Variants in CDK5RAP2 observed in about 807,000 individuals in gnomAD.
The protein encoded by CDK5RAP2 is CDK5 regulatory subunit associated protein 2.
CDK5RAP2 carries 147 observed loss-of-function variants against 232.9 expected under a neutral mutation model. The ratio of observed to expected loss-of-function variants is 0.63; its 90% CI spans 0.55 to 0.72. The LOEUF is 0.72. CDK5RAP2 is among the 30% of genes least tolerant of loss of function. CDK5RAP2 has a pLI of 0.00. For synonymous variants in CDK5RAP2, 833 were observed against 833.7 expected (o/e 1.00, Z 0.01); for missense variants, 2,195 against 2,231.5 (o/e 0.98, Z 0.33).
At chr9:120,509,174 A>G (rs2039964361) in intron 12 of CDK5RAP2, among the ~76,000 whole-genome samples, 1 of 152,226 alleles carries the variant, frequency 6.6e-6, no homozygotes, top group South Asian at 2.1e-4. Flanking sequence ...GGAACAGACA[A>G]GCACTTTCTT....
At chr9:120,401,995 A>AT (rs201612745) in intron 34 of CDK5RAP2, among the ~76,000 whole-genome samples, 2,136 of 151,958 alleles carry the variant, frequency 0.014, 51 homozygotes, top group African/African-American at 0.048. Context: ...AAAAAAAAAA[A>AT]TTTTATATAT....
rs748994723 is a variant in CDK5RAP2 at position 120,389,310 on chromosome 9, A to G, written c.5626-18T>C. On this transcript the variant is annotated intron_variant, in intron 37 of 37. Transcript: ENST00000349780. ...GGCCTAAGCTAGGAAAAGGAAGAAA[A>G]AAAAGGAGAATTTTAAGTCCAAAGG... 17 of 1,607,224 alleles carry G rather than the reference A, an allele frequency of 1.1e-5. No individual in the cohort carries two copies. The Admixed American group carries it at 1.3e-4, about 13-fold the overall frequency.
At chr9:120,447,691 C>A (rs1008406160) in intron 22 of CDK5RAP2, among the ~76,000 whole-genome samples, 2 of 152,184 alleles carry the variant, frequency 1.3e-5, no homozygotes, top group Non-Finnish European at 2.9e-5. Flanking sequence ...TATCCAGACT[C>A]CAGAATAAAA....
intron 20 of CDK5RAP2, among the ~76,000 whole-genome samples, chr9:120,456,525 A>G (rs2036787859): frequency 6.6e-6 from 1 of 152,176 alleles, no homozygotes; most frequent in Non-Finnish European, 1.5e-5. Context: ...TTAAATAGCT[A>G]TAGCACACCA....
chr9:120,572,408 G>A (rs968172245), intron 1 of CDK5RAP2, among the ~76,000 whole-genome samples: 6 of 152,106 alleles, frequency 3.9e-5, no homozygotes, highest in Admixed American at 6.5e-5. Flanking sequence ...AATTAAATTC[G>A]TTCATGTATA....
chr9:120,527,269 A>G (rs1280170079), intron 10 of CDK5RAP2, among the ~76,000 whole-genome samples: 1 of 152,186 alleles, frequency 6.6e-6, no homozygotes, highest in African/African-American at 2.4e-5. Context: ...ACTGGCTCAC[A>G]GTCATGGCCT....
chr9:120,416,046 T>A (rs1327329776), intron 27 of CDK5RAP2, among the ~76,000 whole-genome samples: 1 of 152,158 alleles, frequency 6.6e-6, no homozygotes, highest in Non-Finnish European at 1.5e-5. Context: ...AAAATTCAGT[T>A]TCTCCCATAC....
intron 2 of CDK5RAP2, 151 bp downstream of exon 2, chr9:120,571,823 A>C: frequency 4.3e-6 from 3 of 700,492 alleles, no homozygotes; most frequent in Non-Finnish European, 5.3e-6. Context: ...TGGAAAGCAA[A>C]TCAATACATA....
chr9:120,533,764 C>T (rs2041261203), intron 7 of CDK5RAP2, among the ~76,000 whole-genome samples: 3 of 140,636 alleles, frequency 2.1e-5, no homozygotes. Context: ...CGCCACTGCA[C>T]TCTAGCCTGG....
rs373833490 is a variant in CDK5RAP2, at chr9:120,402,936, T to C, written c.5177A>G (p.His1726Arg). 1.9e-5 allele frequency: 30 copies of C among 1,614,076 alleles called. No individual in the cohort carries two copies. Among genetic ancestry groups the C allele is most frequent in the Non-Finnish European group, 2.5e-5 (29 of 1,180,050 alleles). Residue 1726 changes from histidine to arginine, a missense_variant, in exon 34 of 38, where the codon CAT becomes CGT. His to Arg is a conservative substitution (Grantham distance 29, BLOSUM62 0). Coordinates refer to ENST00000349780, the MANE Select transcript of CDK5RAP2 (RefSeq NM_018249.6). Reference sequence around the variant, plus strand: ...ATAGTCCTCAATCAGGCCCAGGACATGGCGGCCATTCTTGCTGGCCCACAG... The same window carrying C: ...ATAGTCCTCAATCAGGCCCAGGACACGGCGGCCATTCTTGCTGGCCCACAG... ...HHLWASKNGR[H>R]VLGLIEDYEA...
intron 10 of CDK5RAP2, among the ~76,000 whole-genome samples, chr9:120,527,512 G>C (rs1293674543): frequency 7.9e-5 from 1 of 12,584 alleles, no homozygotes. Context: ...ATTATGTTTT[G>C]GGGGGGGATA....
intron 30 of CDK5RAP2, among the ~76,000 whole-genome samples, chr9:120,408,841 A>C (rs1431903710): frequency 6.6e-6 from 1 of 152,242 alleles, no homozygotes; most frequent in Non-Finnish European, 1.5e-5. Flanking sequence ...AGGTAGCTGC[A>C]GCACTCACCT....
Position 120,403,898 on chromosome 9 carries a change from G to T in CDK5RAP2, c.5041+138C>A. On this transcript the variant is annotated intron_variant, in intron 33 of 37. Transcript: ENST00000349780. The surrounding 1 kb of genome is among the most constrained non-coding windows in gnomAD (Gnocchi z 4.2). ...TTGAAGGAGAAGATCACCAGCTGGG[G>T]ATGCTGAGAACTTGAAATCCCAAAT... The T allele has an allele frequency of 1.4e-6, 1 of 702,814 alleles. No homozygotes were observed. 43.5% of individuals were successfully genotyped at this position (702,814 alleles called of 1,614,324 possible). A position where few individuals can be genotyped will look rare whatever the true frequency, so the allele number is the denominator to read the frequency against.
At chr9:120,548,109 C>A (rs2041916229) in intron 4 of CDK5RAP2, among the ~76,000 whole-genome samples, 1 of 152,174 alleles carries the variant, frequency 6.6e-6, no homozygotes, top group Non-Finnish European at 1.5e-5. Context: ...ATCTTCTTCA[C>A]TGTCAAACAA....
chr9:120,542,326 G>A (rs933795979), intron 5 of CDK5RAP2, among the ~76,000 whole-genome samples: 1 of 152,096 alleles, frequency 6.6e-6, no homozygotes, highest in Non-Finnish European at 1.5e-5. Context: ...CCAACATGGT[G>A]AAACCCTGTC....
At chr9:120,559,346 G>A (rs1412996667) in intron 3 of CDK5RAP2, among the ~76,000 whole-genome samples, 1 of 151,776 alleles carries the variant, frequency 6.6e-6, no homozygotes, top group African/African-American at 2.4e-5. Flanking sequence ...AATCAGCCAA[G>A]CATGGTGGCG....
intron 36 of CDK5RAP2, among the ~76,000 whole-genome samples, chr9:120,391,114 CCA>C (rs2031926788): frequency 6.6e-6 from 1 of 152,086 alleles, no homozygotes; most frequent in African/African-American, 2.4e-5. Flanking sequence ...CCGCATTTTT[CCA>C]CAGAGAGACC....
intron 34 of CDK5RAP2, among the ~76,000 whole-genome samples, chr9:120,402,248 T>C (rs1327756613): frequency 2.0e-5 from 3 of 151,690 alleles, no homozygotes; most frequent in Admixed American, 1.3e-4. Flanking sequence ...CAGTGAGCCA[T>C]GATCGCGCCA....
intron 12 of CDK5RAP2, among the ~76,000 whole-genome samples, chr9:120,514,861 G>A (rs557436533): frequency 6.6e-6 from 1 of 152,130 alleles, no homozygotes; most frequent in Non-Finnish European, 1.5e-5. Context: ...ATCCACAGCA[G>A]CCCAAAATTC....
Sources: allele counts gnomAD v4.1 joint callset (sites outside exome capture counted in the v4.1 genomes callset), GRCh38; gene constraint gnomAD v4.1.1; non-coding constraint Gnocchi (gnomAD v3.1); transcripts MANE v1.5; gene names NCBI Gene and HGNC (gene_info 2026-07-23, HGNC 2026-07-21).